The following PCSK5 variants were observed in gnomAD, a reference collection of about 807,000 sequenced individuals.
PCSK5 encodes the protein proprotein convertase subtilisin/kexin type 5.
PCSK5 carries 129 observed loss-of-function variants against 233.2 expected under a neutral mutation model. That is an observed-to-expected ratio of 0.55 (90% CI 0.48 to 0.64). PCSK5 has a LOEUF of 0.64. Ranked by LOEUF, PCSK5 falls within the 30% of genes least tolerant of loss-of-function variation. PCSK5 has a pLI of 0.00. For missense variants in PCSK5, 2,076 were observed against 2,430.1 expected (o/e 0.85, Z 3.06); for synonymous variants, 825 against 879.2 (o/e 0.94, Z 1.09).
chr9:76,328,470 T>C (rs1829435698), intron 33 of PCSK5, among the ~76,000 whole-genome samples: 1 of 152,222 alleles, frequency 6.6e-6, no homozygotes, highest in African/African-American at 2.4e-5. Context: ...ATTTGCTTTA[T>C]CATTTGTTCG....
At chr9:75,905,156 GA>G (rs1826206683) in intron 1 of PCSK5, among the ~76,000 whole-genome samples, 2 of 152,114 alleles carry the variant, frequency 1.3e-5, no homozygotes, top group Non-Finnish European at 2.9e-5. Context: ...GGGTTGGTGG[GA>G]AATGGGGAGT....
chr9:76,000,201 T>C (rs1229749777), intron 3 of PCSK5, among the ~76,000 whole-genome samples: 1 of 152,212 alleles, frequency 6.6e-6, no homozygotes, highest in Non-Finnish European at 1.5e-5. Context: ...ATCTAGGTTA[T>C]TTCAGGCTTC....
chr9:76,058,405 T>A (rs1369505484), intron 5 of PCSK5, among the ~76,000 whole-genome samples: 1 of 152,078 alleles, frequency 6.6e-6, no homozygotes, highest in Non-Finnish European at 1.5e-5. Context: ...CTACACATAG[T>A]GAGATAGAGG....
At chr9:75,949,942 G>T (rs1466389434) in intron 2 of PCSK5, among the ~76,000 whole-genome samples, 2 of 152,188 alleles carry the variant, frequency 1.3e-5, no homozygotes, top group Non-Finnish European at 1.5e-5. Flanking sequence ...ATCCATCTAT[G>T]TTGGGACATT....
chr9:76,289,508 CACGCAACAT>C lies in PCSK5; in HGVS notation c.3143-2722_3143-2714del, dbSNP rs1240353325. On this transcript the variant is annotated intron_variant, in intron 24 of 37. Coordinates refer to ENST00000674117, the MANE Select transcript of PCSK5 (RefSeq NM_001372043.1). Reference sequence around the variant, plus strand: ...ACACACACACACACACACACACACACACGCAACATACACACACACACACACACACACACA... The same window carrying C: ...ACACACACACACACACACACACACACACACACACACACACACACACACACA... Among the ~76,000 whole-genome samples the C allele has an allele frequency of 6.9e-3, 876 of 126,894 alleles. 3 individuals are homozygous for C. The highest frequency in any genetic ancestry group is 8.8e-3 in the Admixed American group (113 of 12,846). The allele number at this position is 126,894 out of a possible 152,430, so 83.2% of individuals were successfully genotyped here.
intron 7 of PCSK5, among the ~76,000 whole-genome samples, chr9:76,087,575 C>A (rs1386147766): frequency 6.6e-6 from 1 of 152,184 alleles, no homozygotes; most frequent in Non-Finnish European, 1.5e-5. Context: ...TTGTCATTTA[C>A]AGTTGATCCT....
At chr9:76,040,403 C>CTG (rs1252717136) in intron 5 of PCSK5, among the ~76,000 whole-genome samples, 1 of 130,858 alleles carries the variant, frequency 7.6e-6, no homozygotes, top group South Asian at 2.7e-4. Flanking sequence ...CTCTCTCTCT[C>CTG]TCTCTCTCTC....
intron 7 of PCSK5, among the ~76,000 whole-genome samples, chr9:76,090,121 G>A (rs1214578859): frequency 1.3e-5 from 2 of 152,072 alleles, no homozygotes; most frequent in Non-Finnish European, 2.9e-5. Context: ...ATAGCCAATT[G>A]CAATCACACT....
intron 36 of PCSK5, among the ~76,000 whole-genome samples, chr9:76,353,338 T>G (rs1158367691): frequency 2.0e-5 from 3 of 152,216 alleles, no homozygotes; most frequent in Non-Finnish European, 4.4e-5. Context: ...CAAAGAGATT[T>G]AACTACTTGA....
chr9:75,934,093 T>G (rs2131286470), intron 2 of PCSK5, among the ~76,000 whole-genome samples: 1 of 152,340 alleles, frequency 6.6e-6, no homozygotes, highest in Admixed American at 6.5e-5. Flanking sequence ...ACATGGCTTA[T>G]GCGTGATCCG....
At chr9:75,908,984 T>TATCTATCTATCTATCC (rs1361343985) in intron 1 of PCSK5, among the ~76,000 whole-genome samples, 2 of 141,708 alleles carry the variant, frequency 1.4e-5, no homozygotes, top group African/African-American at 5.0e-5. Context: ...TCTATCTATC[T>TATCTATCTATCTATCC]ATCTATCCGA....
intron 9 of PCSK5, among the ~76,000 whole-genome samples, chr9:76,108,219 A>G (rs1832057138): frequency 6.6e-6 from 1 of 152,200 alleles, no homozygotes; most frequent in Admixed American, 6.5e-5. Flanking sequence ...TTTGAATTCC[A>G]AACATGTCTT....
intron 37 of PCSK5, among the ~76,000 whole-genome samples, chr9:76,355,972 G>A (rs1830291393): frequency 2.0e-5 from 3 of 152,154 alleles, no homozygotes; most frequent in Admixed American, 1.3e-4. Context: ...CCAAAGTGCT[G>A]AGATTATAGG....
chr9:76,001,467 G>A (rs375094219), intron 3 of PCSK5, among the ~76,000 whole-genome samples: 1 of 53,120 alleles, frequency 1.9e-5, no homozygotes, highest in Non-Finnish European at 4.2e-5. Context: ...TACCATCATA[G>A]CTTTTTTTTT....
chr9:76,311,523 C>T (rs1017044462), intron 30 of PCSK5, among the ~76,000 whole-genome samples: 5 of 151,940 alleles, frequency 3.3e-5, no homozygotes, highest in Non-Finnish European at 5.9e-5. Flanking sequence ...TTTATTGATT[C>T]CTCCTGGTTT....
chr9:76,201,726 A>G (rs1011382820), intron 20 of PCSK5, among the ~76,000 whole-genome samples: 2 of 152,218 alleles, frequency 1.3e-5, no homozygotes, highest in African/African-American at 4.8e-5. Context: ...ATATGGACAA[A>G]ATCAAAATGG....
chr9:76,007,793 A>ATT (rs1317086300), intron 3 of PCSK5, among the ~76,000 whole-genome samples: 2 of 52,646 alleles, frequency 3.8e-5, no homozygotes, highest in African/African-American at 7.1e-5. Context: ...TGCCCGGCTA[A>ATT]TTTTGTGTGT....
intron 24 of PCSK5, among the ~76,000 whole-genome samples, chr9:76,280,107 T>C (rs1425887141): frequency 6.6e-6 from 1 of 152,194 alleles, no homozygotes; most frequent in Non-Finnish European, 1.5e-5. Context: ...GTCACATTTT[T>C]GTAATTCTCA....
Position 76,000,947 on chromosome 9 carries a change from C to A in PCSK5, c.411+14702C>A, listed in dbSNP as rs1451536917. On this transcript the variant is annotated intron_variant, in intron 3 of 37. Coordinates refer to ENST00000674117, the MANE Select transcript of PCSK5 (RefSeq NM_001372043.1). ...TTTTTTTTAAACTCATATTTAGAGA[C>A]CACAATATGAGTGTTGTGATTCTGA... Among the ~76,000 whole-genome samples the A allele has an allele frequency of 2.0e-5, 3 of 151,828 alleles. No homozygotes were observed. The East Asian group carries it at 5.8e-4, about 29-fold the overall frequency.
Sources: allele counts gnomAD v4.1 joint callset (sites outside exome capture counted in the v4.1 genomes callset), GRCh38; gene constraint gnomAD v4.1.1; transcripts MANE v1.5; gene names NCBI Gene and HGNC (gene_info 2026-07-23, HGNC 2026-07-21).